ZBTB7C: variants seen among roughly 807,000 people sequenced by gnomAD.
ZBTB7C encodes zinc finger and BTB domain-containing protein 7C.
ZBTB7C carries 8 observed loss-of-function variants against 25.7 expected under a neutral mutation model. The observed-to-expected ratio is 0.31, with a 90% CI of 0.18 to 0.56. The LOEUF is 0.56. Ranked by LOEUF, ZBTB7C falls within the 20% of genes least tolerant of loss-of-function variation. The pLI, the probability that ZBTB7C is intolerant of heterozygous loss-of-function variation, is 0.91. For missense variants in ZBTB7C, 824 were observed against 855.2 expected, an observed-to-expected ratio of 0.96 and a Z score of 0.46; for synonymous variants, 394 against 369.0, an observed-to-expected ratio of 1.07 and a Z score of -0.78.
chr18:48,311,194 G>C, intron 2 of ZBTB7C, among the ~76,000 whole-genome samples: 1 of 152,174 alleles, frequency 6.6e-6, no homozygotes, highest in Non-Finnish European at 1.5e-5. Flanking sequence ...AGATGCAGTA[G>C]ATGTCTGTTC....
chr18:48,202,587 G>A (rs1012432616), intron 2 of ZBTB7C, among the ~76,000 whole-genome samples: 11 of 151,934 alleles, frequency 7.2e-5, no homozygotes, highest in Non-Finnish European at 1.5e-4. Flanking sequence ...ACCTCTCCCC[G>A]CCCAGCTGTC....
At chr18:48,193,313 A>AG (rs2042241262) in intron 2 of ZBTB7C, among the ~76,000 whole-genome samples, 1 of 152,192 alleles carries the variant, frequency 6.6e-6, no homozygotes, top group Non-Finnish European at 1.5e-5. Context: ...TCCAGAGGGA[A>AG]GGTCTATAAT....
intron 3 of ZBTB7C, among the ~76,000 whole-genome samples, chr18:48,045,850 G>GTCTA (rs2036447616): frequency 6.6e-6 from 1 of 152,222 alleles, no homozygotes; most frequent in African/African-American, 2.4e-5. Context: ...TTGGTGGAAG[G>GTCTA]TCTATGGCAA....
At chr18:48,169,030 G>C (rs531959893) in intron 3 of ZBTB7C, among the ~76,000 whole-genome samples, 1 of 152,332 alleles carries the variant, frequency 6.6e-6, no homozygotes, top group East Asian at 1.9e-4. Flanking sequence ...TGGGGCACTT[G>C]CCCTGTCCCC....
At chr18:48,309,621 G>A (rs561827569) in intron 2 of ZBTB7C, among the ~76,000 whole-genome samples, 2 of 152,308 alleles carry the variant, frequency 1.3e-5, no homozygotes, top group Admixed American at 6.5e-5. Flanking sequence ...TGTTATGCAT[G>A]TCTACTATCC....
chr18:48,357,369 G>A lies in ZBTB7C; in HGVS notation c.-303-18971C>T, dbSNP rs79243254. 4.8e-3 allele frequency among the ~76,000 whole-genome samples: 729 copies of A among 152,290 alleles called. 8 individuals are homozygous for A. The highest frequency in any genetic ancestry group is 0.017 in the African/African-American group (710 of 41,560). ...AGCCAGGCCCGGGAGAAACACAGCT[G>A]GGAACTGGGACGCAGAGCTCACACT... On this transcript the variant is annotated intron_variant, in intron 1 of 4. Transcript: ENST00000590800.
chr18:48,026,729 G>C lies in ZBTB7C; in HGVS notation c.*2531C>G, dbSNP rs1396063087. 2.1e-5 allele frequency: 3 copies of C among 144,114 alleles called. No individual in the cohort carries two copies. In the East Asian group the frequency reaches 6.2e-4, roughly 30 times the overall value. The allele number at this position is 144,114 out of a possible 1,614,324, so 8.9% of individuals were successfully genotyped here. On this transcript the variant is annotated 3_prime_UTR_variant, in exon 5 of 5. Coordinates refer to ENST00000590800, the MANE Select transcript of ZBTB7C (RefSeq NM_001318841.2). ...ACTGTCCTTTAAAGTATAAAATAAG[G>C]GTCAAAGGTTTTTTTTTTTTTCTTT... is the stretch of plus-strand genomic sequence containing the variant.
chr18:48,240,614 A>C (rs2043497631), intron 2 of ZBTB7C, among the ~76,000 whole-genome samples: 1 of 152,220 alleles, frequency 6.6e-6, no homozygotes, highest in Admixed American at 6.5e-5. Flanking sequence ...TAAATGAAGG[A>C]AAAATAAAGT....
At chr18:48,080,252 T>A (rs1431599740) in intron 3 of ZBTB7C, among the ~76,000 whole-genome samples, 3 of 152,192 alleles carry the variant, frequency 2.0e-5, no homozygotes, top group Non-Finnish European at 4.4e-5. Context: ...CTCTAGTACC[T>A]GGACAGACCC....
At chr18:48,132,874 G>A (rs766622955) in intron 3 of ZBTB7C, among the ~76,000 whole-genome samples, 3 of 152,202 alleles carry the variant, frequency 2.0e-5, no homozygotes, top group African/African-American at 4.8e-5. Context: ...TGTGTACAAC[G>A]CATATGTGTA....
intron 3 of ZBTB7C, among the ~76,000 whole-genome samples, chr18:48,076,485 C>G (rs1019353139): frequency 2.0e-5 from 3 of 152,190 alleles, no homozygotes; most frequent in Non-Finnish European, 4.4e-5. Flanking sequence ...CAGGCTATAT[C>G]TAGGACACTG....
At chr18:48,121,714 G>C (rs1351235625) in intron 3 of ZBTB7C, among the ~76,000 whole-genome samples, 1 of 152,196 alleles carries the variant, frequency 6.6e-6, no homozygotes, top group Non-Finnish European at 1.5e-5. Context: ...AAGACTGATG[G>C]TGTGAGCCAT....
intron 2 of ZBTB7C, among the ~76,000 whole-genome samples, chr18:48,337,200 G>A (rs1445030464): frequency 6.6e-6 from 1 of 152,122 alleles, no homozygotes; most frequent in Non-Finnish European, 1.5e-5. Context: ...TACTGAAAAG[G>A]AATTTACCAC....
intron 3 of ZBTB7C, among the ~76,000 whole-genome samples, chr18:48,084,208 C>T (rs539532176): frequency 4.6e-5 from 7 of 152,250 alleles, no homozygotes; most frequent in East Asian, 1.9e-4. Context: ...TTCAGCCTTC[C>T]GAGGCCTCAC....
chr18:48,167,241 C>T (rs2041280512), intron 3 of ZBTB7C, among the ~76,000 whole-genome samples: 3 of 152,210 alleles, frequency 2.0e-5, no homozygotes, highest in African/African-American at 7.2e-5. Flanking sequence ...ACTTCCCCTC[C>T]CAGTCCAACC....
At chr18:48,313,961 A>G (rs7238256) in intron 2 of ZBTB7C, among the ~76,000 whole-genome samples, 102,041 of 151,940 alleles carry the variant, frequency 0.67, 34,437 homozygotes, top group East Asian at 0.83. Context: ...GTCTGGGACC[A>G]CCCCCTTCTC....
chr18:48,132,892 C>T (rs1213138198), intron 3 of ZBTB7C, among the ~76,000 whole-genome samples: 25 of 152,234 alleles, frequency 1.6e-4, no homozygotes, highest in Admixed American at 1.6e-3. Flanking sequence ...GTAGGCAGCA[C>T]AGATTTTCCT....
intron 3 of ZBTB7C, among the ~76,000 whole-genome samples, chr18:48,164,943 A>T (rs2041193012): frequency 1.3e-5 from 2 of 152,224 alleles, no homozygotes; most frequent in African/African-American, 4.8e-5. Context: ...AGACACAGAA[A>T]GGTCAAGTAG....
chr18:48,288,823 T>A (rs1347926708), intron 2 of ZBTB7C, among the ~76,000 whole-genome samples: 2 of 152,130 alleles, frequency 1.3e-5, no homozygotes, highest in African/African-American at 4.8e-5. Flanking sequence ...CCTCCAGAAG[T>A]GTGAGAAATA....
Sources: gnomAD v4.1 joint callset for allele counts (sites outside exome capture counted in the v4.1 genomes callset) on GRCh38, gnomAD v4.1.1 for gene constraint, MANE v1.5 for transcripts, NCBI Gene and HGNC (gene_info 2026-07-23, HGNC 2026-07-21) for gene names.